Variants in GCNT1 observed in about 807,000 individuals in gnomAD.
GCNT1 encodes the protein beta-1,3-galactosyl-O-glycosyl-glycoprotein beta-1,6-N-acetylglucosaminyltransferase.
GCNT1 carries 16 observed loss-of-function variants against 26.2 expected under a neutral mutation model. The observed-to-expected ratio is 0.61, with a 90% CI of 0.41 to 0.93. The LOEUF is 0.93. Among genes scored for constraint, GCNT1 ranks in the 40% least tolerant of loss-of-function variants. GCNT1 has a pLI of 0.00. For missense variants in GCNT1, 477 were observed against 526.7 expected, an observed-to-expected ratio of 0.91 and a Z score of 0.92; for synonymous variants, 183 against 190.8, an observed-to-expected ratio of 0.96 and a Z score of 0.34.
At chr9:76,412,720 T>C in the GCNT1 span, among the ~76,000 whole-genome samples, 1 of 152,174 alleles carries the variant, frequency 6.6e-6, no homozygotes, top group African/African-American at 2.4e-5. Context: ...TTCATCCCAG[T>C]TCCTCAGTGG....
chr9:76,396,419 C>A, the GCNT1 span, among the ~76,000 whole-genome samples: 9 of 140,480 alleles, frequency 6.4e-5, no homozygotes, highest in East Asian at 4.3e-4. Flanking sequence ...GGGAGACTTC[C>A]GTCTATCCAA....
chr9:76,484,947 C>G (rs1356815284), intron 2 of GCNT1, among the ~76,000 whole-genome samples: 1 of 152,008 alleles, frequency 6.6e-6, no homozygotes, highest in African/African-American at 2.4e-5. Flanking sequence ...TGCCACCACA[C>G]CCAGCTAATT....
At chr9:76,465,819 T>TG (rs1173490371) in intron 2 of GCNT1, among the ~76,000 whole-genome samples, 15 of 152,280 alleles carry the variant, frequency 9.9e-5, no homozygotes, top group Admixed American at 6.5e-4. Context: ...ATATGGTTGA[T>TG]GGAGAGGGAG....
At chr9:76,411,697 C>CTTTTTTTTTTTT in the GCNT1 span, among the ~76,000 whole-genome samples, 5 of 83,652 alleles carry the variant, frequency 6.0e-5, no homozygotes, top group Non-Finnish European at 8.6e-5. Flanking sequence ...ATCAATTATA[C>CTTTTTTTTTTTT]TTTTTTTTTT....
chr9:76,415,902 A>G (rs1367398707), upstream of GCNT1, among the ~76,000 whole-genome samples: 1 of 152,120 alleles, frequency 6.6e-6, no homozygotes, highest in African/African-American at 2.4e-5. Context: ...CACTGCCAAG[A>G]TTGCTCTCAT....
chr9:76,447,499 C>G (rs1168655202), intron 1 of GCNT1, among the ~76,000 whole-genome samples: 1 of 152,152 alleles, frequency 6.6e-6, no homozygotes, highest in East Asian at 1.9e-4. Flanking sequence ...GCTGCCTCAG[C>G]CTCCCAAAGT....
At chr9:76,429,629 T>C (rs560106956) in intron 1 of GCNT1, among the ~76,000 whole-genome samples, 2 of 152,232 alleles carry the variant, frequency 1.3e-5, no homozygotes, top group South Asian at 4.1e-4. Flanking sequence ...TAGGTCCAGC[T>C]TGCTCACATA....
In GCNT1 at chr9:76,506,940, C is replaced by T. The variant is rs1825254402; in HGVS notation, c.*3272C>T. On this transcript the variant is annotated 3_prime_UTR_variant, in exon 4 of 4. Coordinates refer to ENST00000376730, the MANE Select transcript of GCNT1 (RefSeq NM_001490.5). Reference sequence around the variant, plus strand: ...CATATTAAATACAGACGCTCCTCAACTTATGATGTGGGTAGGTCCCAGTAA... The same window carrying T: ...CATATTAAATACAGACGCTCCTCAATTTATGATGTGGGTAGGTCCCAGTAA... 1 of 166,992 alleles carries T rather than the reference C, an allele frequency of 6.0e-6. No individual in the cohort carries two copies. The highest frequency in any genetic ancestry group is 1.5e-5 in the Non-Finnish European group (1 of 68,096). 10.3% of individuals were successfully genotyped at this position (166,992 alleles called of 1,614,324 possible). A position where few individuals can be genotyped will look rare whatever the true frequency, so the allele number is the denominator to read the frequency against.
chr9:76,466,916 T>C (rs1239195430), intron 2 of GCNT1, among the ~76,000 whole-genome samples: 1 of 152,226 alleles, frequency 6.6e-6, no homozygotes, highest in Non-Finnish European at 1.5e-5. Context: ...GAAAGTGTTA[T>C]GAATGATGAT....
chr9:76,487,495 G>GT (rs1824611105), intron 2 of GCNT1, among the ~76,000 whole-genome samples: 1 of 152,196 alleles, frequency 6.6e-6, no homozygotes, highest in Admixed American at 6.5e-5. Context: ...TCAGCGGTTT[G>GT]TTTATGCATA....
intron 2 of GCNT1, among the ~76,000 whole-genome samples, chr9:76,491,208 T>G (rs1169339241): frequency 6.6e-6 from 1 of 152,144 alleles, no homozygotes; most frequent in African/African-American, 2.4e-5. Flanking sequence ...CCTCTTTGTC[T>G]CTGTCTCTTC....
chr9:76,415,272 G>T (rs1808650253), upstream of GCNT1, among the ~76,000 whole-genome samples: 1 of 152,050 alleles, frequency 6.6e-6, no homozygotes, highest in Non-Finnish European at 1.5e-5. Context: ...GCTCAGGCTG[G>T]TCTTGAATTC....
At chr9:76,409,574 T>C in the GCNT1 span, among the ~76,000 whole-genome samples, 1 of 152,042 alleles carries the variant, frequency 6.6e-6, no homozygotes, top group African/African-American at 2.4e-5. Context: ...GCCTCCTGAG[T>C]AGCTGGGATT....
At chr9:76,447,502 C>T (rs143901482) in intron 1 of GCNT1, among the ~76,000 whole-genome samples, 4,713 of 152,240 alleles carry the variant, frequency 0.031, 97 homozygotes, top group Non-Finnish European at 0.048. Flanking sequence ...GCCTCAGCCT[C>T]CCAAAGTGCT....
chr9:76,480,671 A>T (rs1431176188), intron 2 of GCNT1, among the ~76,000 whole-genome samples: 1 of 152,132 alleles, frequency 6.6e-6, no homozygotes, highest in Non-Finnish European at 1.5e-5. Flanking sequence ...TAACGTGCTA[A>T]TAAATACTAT....
At chr9:76,458,399 G>T (rs990429234), upstream of GCNT1, among the ~76,000 whole-genome samples, 3 of 151,956 alleles carry the variant, frequency 2.0e-5, no homozygotes, top group African/African-American at 7.3e-5. Flanking sequence ...AGCCAGGATG[G>T]TCTCGATCTC....
chr9:76,497,998 A>G (rs956594508), intron 2 of GCNT1, among the ~76,000 whole-genome samples: 2 of 152,110 alleles, frequency 1.3e-5, no homozygotes, highest in African/African-American at 2.4e-5. Flanking sequence ...CCATTCCCCC[A>G]TGTCCCCAGC....
At chr9:76,496,089 C>A (rs1220703483) in intron 2 of GCNT1, among the ~76,000 whole-genome samples, 1 of 152,192 alleles carries the variant, frequency 6.6e-6, no homozygotes, top group Non-Finnish European at 1.5e-5. Context: ...TATGGATAAG[C>A]AAGCTGGAAA....
intron 1 of GCNT1, among the ~76,000 whole-genome samples, chr9:76,443,930 A>AAAGGAAGGAAGGAAGG (rs201262371): frequency 6.5e-4 from 51 of 78,088 alleles, no homozygotes; most frequent in East Asian, 1.7e-3. Context: ...AGAAAGGAAG[A>AAAGGAAGGAAGGAAGG]AAGGAAGGAA....
Sources: allele counts gnomAD v4.1 joint callset (sites outside exome capture counted in the v4.1 genomes callset), GRCh38; gene constraint gnomAD v4.1.1; transcripts MANE v1.5; gene names NCBI Gene and HGNC (gene_info 2026-07-23, HGNC 2026-07-21).